Variants in CSTPP1 observed in about 807,000 individuals in gnomAD.
The protein encoded by CSTPP1 is UPF0705 protein C11orf49.
chr11:47,086,418 T>A, the CSTPP1 span, among the ~76,000 whole-genome samples: 3 of 150,852 alleles, frequency 2.0e-5, no homozygotes, highest in South Asian at 4.2e-4. Context: ...AAAAATTTTT[T>A]AAAAAGAATA....
At chr11:47,088,282 C>G in the CSTPP1 span, among the ~76,000 whole-genome samples, 2,147 of 152,252 alleles carry the variant, frequency 0.014, 23 homozygotes, top group Non-Finnish European at 0.021. Context: ...CATAAGTGCT[C>G]CATAAATGGC....
At chr11:47,081,555 A>G in the CSTPP1 span, among the ~76,000 whole-genome samples, 1 of 152,188 alleles carries the variant, frequency 6.6e-6, no homozygotes, top group Non-Finnish European at 1.5e-5. Context: ...TAGCTCCAGA[A>G]CATGTACTCT....
At chr11:47,003,593 A>C in the CSTPP1 span, among the ~76,000 whole-genome samples, 5 of 152,192 alleles carry the variant, frequency 3.3e-5, no homozygotes, top group Non-Finnish European at 7.4e-5. Flanking sequence ...ATATCTAACC[A>C]ATTTCTTGTC....
the CSTPP1 span, among the ~76,000 whole-genome samples, chr11:46,953,852 G>A: frequency 3.3e-5 from 5 of 152,298 alleles, no homozygotes; most frequent in East Asian, 3.9e-4. Flanking sequence ...TAAGGGTGAT[G>A]AAGGACATGG....
chr11:47,093,979 G>T, the CSTPP1 span, among the ~76,000 whole-genome samples: 61 of 152,294 alleles, frequency 4.0e-4, no homozygotes, highest in Non-Finnish European at 7.8e-4. Flanking sequence ...CATGCTTACT[G>T]GTTTCAAATA....
the CSTPP1 span, among the ~76,000 whole-genome samples, chr11:47,073,397 C>T: frequency 6.6e-6 from 1 of 152,056 alleles, no homozygotes; most frequent in African/African-American, 2.4e-5. Context: ...AAGCTTTCAT[C>T]GAAAATGAAG....
the CSTPP1 span, among the ~76,000 whole-genome samples, chr11:47,006,974 T>C: frequency 1.3e-5 from 2 of 151,062 alleles, no homozygotes; most frequent in Non-Finnish European, 1.5e-5. Context: ...CTTATGCTCT[T>C]TTTTGCATTT....
At chr11:47,158,273 T>C in the CSTPP1 span, among the ~76,000 whole-genome samples, 1 of 152,120 alleles carries the variant, frequency 6.6e-6, no homozygotes, top group Non-Finnish European at 1.5e-5. Context: ...AGAGATTATA[T>C]ATCAAAGAGA....
the CSTPP1 span, among the ~76,000 whole-genome samples, chr11:47,077,282 C>A: frequency 6.6e-6 from 1 of 151,358 alleles, no homozygotes; most frequent in Non-Finnish European, 1.5e-5. Flanking sequence ...TCACTGCAAC[C>A]TCCGCCTCCT....
chr11:47,134,589 G>A, the CSTPP1 span, among the ~76,000 whole-genome samples: 1 of 152,174 alleles, frequency 6.6e-6, no homozygotes, highest in Non-Finnish European at 1.5e-5. Context: ...GGGCCTTTGA[G>A]ATCTTGGACA....
the CSTPP1 span, among the ~76,000 whole-genome samples, chr11:47,002,909 C>T: frequency 6.6e-6 from 1 of 152,192 alleles, no homozygotes; most frequent in African/African-American, 2.4e-5. Flanking sequence ...TTCCTTCACA[C>T]CACCACTCTG....
chr11:47,022,980 A>G, the CSTPP1 span, among the ~76,000 whole-genome samples: 9 of 152,308 alleles, frequency 5.9e-5, no homozygotes, highest in East Asian at 1.7e-3. Flanking sequence ...GAACTTTTTC[A>G]TGTTTGTGTG....
chr11:46,943,750 T>C, the CSTPP1 span, among the ~76,000 whole-genome samples: 1 of 152,196 alleles, frequency 6.6e-6, no homozygotes, highest in Non-Finnish European at 1.5e-5. Context: ...AGTACAGTCA[T>C]GGTGGCTTAC....
the CSTPP1 span, among the ~76,000 whole-genome samples, chr11:46,950,635 G>A: frequency 6.6e-6 from 1 of 151,382 alleles, no homozygotes; most frequent in African/African-American, 2.4e-5. Context: ...TTTTTGAGGT[G>A]GAGTCTCACT....
At chr11:46,976,409 ACAC>A in the CSTPP1 span, among the ~76,000 whole-genome samples, 1 of 151,730 alleles carries the variant, frequency 6.6e-6, no homozygotes, top group African/African-American at 2.4e-5. Context: ...ACACACACAC[ACAC>A]ACACACACAC....
the CSTPP1 span, among the ~76,000 whole-genome samples, chr11:46,981,419 C>T: frequency 1.3e-5 from 2 of 152,046 alleles, no homozygotes; most frequent in African/African-American, 4.8e-5. Flanking sequence ...TAGTCTTTAG[C>T]TTTATCTGTA....
chr11:46,940,095 CT>C, the CSTPP1 span, among the ~76,000 whole-genome samples: 1 of 152,172 alleles, frequency 6.6e-6, no homozygotes, highest in Non-Finnish European at 1.5e-5. Flanking sequence ...TGCTTTTGAA[CT>C]TCCTGAGCTC....
chr11:46,995,640 G>A, the CSTPP1 span, among the ~76,000 whole-genome samples: 1 of 152,202 alleles, frequency 6.6e-6, no homozygotes, highest in Non-Finnish European at 1.5e-5. Flanking sequence ...TGGTCTGAGA[G>A]ACAGTTTGTT....
chr11:46,937,386 C>G, the CSTPP1 span, among the ~76,000 whole-genome samples: 1 of 152,010 alleles, frequency 6.6e-6, no homozygotes, highest in African/African-American at 2.4e-5. Context: ...AATGGTAGCG[C>G]TAGGATCAGA....
Sources: allele counts gnomAD v4.1 joint callset (sites outside exome capture counted in the v4.1 genomes callset), GRCh38; gene constraint gnomAD v4.1.1; transcripts MANE v1.5; gene names NCBI Gene and HGNC (gene_info 2026-07-23, HGNC 2026-07-21).